The following MTERF3 variants were observed in gnomAD, a reference collection of about 807,000 sequenced individuals.
MTERF3 encodes the protein transcription termination factor 3, mitochondrial.
Under a neutral mutation model 40.5 loss-of-function variants are expected in MTERF3, and 40 were observed. The observed-to-expected ratio is 0.99, with a 90% CI of 0.77 to 1.29. The LOEUF is 1.29. MTERF3 is among the 50% of genes most tolerant of loss of function. MTERF3 has a pLI of 0.00. For synonymous variants in MTERF3, 158 were observed against 166.6 expected, an observed-to-expected ratio of 0.95 and a Z score of 0.40; for missense variants, 452 against 478.2, an observed-to-expected ratio of 0.95 and a Z score of 0.51.
Position 96,258,642 on chromosome 8 carries a change from A to G in MTERF3, c.49T>C (p.Leu17=), listed in dbSNP as rs1368992688. 1 of 1,613,916 alleles carries G rather than the reference A, an allele frequency of 6.2e-7. No individual in the cohort carries two copies. The highest frequency in any genetic ancestry group is 1.6e-4 in the Middle Eastern group (1 of 6,062). ...QIPRWFNSVK[L]RSLINAAQLT... ...TGTGCAGCATTAATGAGGCTCCTCA[A>G]CTTAACTGAGTTAAACCATCTGGGT... Residue 17 remains leucine, a synonymous_variant, in exon 2 of 8, where the codon TTG becomes CTG. Coordinates refer to ENST00000287025, the MANE Select transcript of MTERF3 (RefSeq NM_015942.5).
intron 7 of MTERF3, 65 bp downstream of exon 7, chr8:96,243,854 C>A: frequency 6.5e-7 from 1 of 1,540,068 alleles, no homozygotes; most frequent in Non-Finnish European, 8.9e-7. Flanking sequence ...AACTATGCAG[C>A]TGGAGAGCAG....
chr8:96,244,189 G>A, intron 6 of MTERF3, 109 bp from the exon 7 acceptor site: 1 of 858,148 alleles, frequency 1.2e-6, no homozygotes, highest in Non-Finnish European at 1.8e-6. Flanking sequence ...TCGCTATGTT[G>A]CCCAGGATGG....
At chr8:96,244,418 T>A (rs1259376319) in intron 6 of MTERF3, among the ~76,000 whole-genome samples, 1 of 151,396 alleles carries the variant, frequency 6.6e-6, no homozygotes. Flanking sequence ...TTTTTTTTTT[T>A]GAGACGGAGT....
At chr8:96,261,264 T>C (rs1025611434) in intron 1 of MTERF3, among the ~76,000 whole-genome samples, 14 of 152,210 alleles carry the variant, frequency 9.2e-5, no homozygotes, top group Non-Finnish European at 1.9e-4. Context: ...TCCCCAAACT[T>C]GCGCAGGAAG....
chr8:96,256,812 G>T, intron 3 of MTERF3, 150 bp downstream of exon 3: 1 of 534,772 alleles, frequency 1.9e-6, no homozygotes, highest in Non-Finnish European at 3.0e-6. Flanking sequence ...ATGAGGCAGG[G>T]AATACGGTTT....
Position 96,245,730 on chromosome 8 carries a change from T to G in MTERF3, c.897+130A>C, listed in dbSNP as rs1409960705. ...GACATTTGTTAAAGATAATTTCCTA[T>G]TTCTCTTTTTAGAAATAACTTATTT... On this transcript the variant is annotated intron_variant, in intron 6 of 7. Coordinates refer to ENST00000287025, the MANE Select transcript of MTERF3 (RefSeq NM_015942.5). 6 of 756,712 alleles carry G rather than the reference T, an allele frequency of 7.9e-6. No individual in the cohort carries two copies. The African/African-American group carries it at 8.9e-5, about 11-fold the overall frequency. The allele number at this position is 756,712 out of a possible 1,614,324, so 46.9% of individuals were successfully genotyped here. A position where few individuals can be genotyped will look rare whatever the true frequency, so the allele number is the denominator to read the frequency against.
chr8:96,256,018 G>A (rs557013390), intron 3 of MTERF3, among the ~76,000 whole-genome samples: 3 of 152,210 alleles, frequency 2.0e-5, no homozygotes, highest in South Asian at 2.1e-4. Flanking sequence ...GGAGAGACCC[G>A]ACCTCCCCCA....
intron 7 of MTERF3, among the ~76,000 whole-genome samples, chr8:96,241,218 T>C (rs1388843821): frequency 6.6e-6 from 1 of 152,096 alleles, no homozygotes; most frequent in Non-Finnish European, 1.5e-5. Flanking sequence ...GAGACCATCC[T>C]GGCCAACATG....
At chr8:96,246,477 G>A (rs764560318) in intron 4 of MTERF3, 23 bp from the exon 5 acceptor site, 23 of 1,573,674 alleles carry the variant, frequency 1.5e-5, no homozygotes, top group South Asian at 4.7e-5. Flanking sequence ...AAATACATAC[G>A]CATGTGATAA....
intron 3 of MTERF3, among the ~76,000 whole-genome samples, chr8:96,254,504 G>T (rs1810246982): frequency 6.6e-6 from 1 of 152,032 alleles, no homozygotes; most frequent in South Asian, 2.1e-4. Flanking sequence ...AGATCACGTA[G>T]CATTAGTCAT....
chr8:96,241,322 A>C (rs2129866172), intron 7 of MTERF3, among the ~76,000 whole-genome samples: 1 of 151,982 alleles, frequency 6.6e-6, no homozygotes, highest in East Asian at 1.9e-4. Flanking sequence ...AGTCAGAAGA[A>C]TCACTTGAAC....
In MTERF3 at chr8:96,258,512, G is replaced by A; in HGVS notation, c.179C>T (p.Thr60Ile). The A allele has an allele frequency of 1.2e-6, 2 of 1,614,154 alleles. No homozygotes were observed. Among genetic ancestry groups the A allele is most frequent in the Non-Finnish European group, 1.7e-6 (2 of 1,180,012 alleles). Residue 60 changes from threonine (T) to isoleucine (I), a missense_variant, in exon 2 of 8, where the codon ACT (threonine) becomes ATT (isoleucine). Thr to Ile is a moderately conservative substitution (Grantham distance 89, BLOSUM62 -1). Coordinates refer to ENST00000287025, the MANE Select transcript of MTERF3 (RefSeq NM_015942.5). ...DNCFLQWGFK[T>I]YRTSSLWNSS... ...ATTCCATAAGGAGGAAGTCCTGTAA[G>A]TCTTAAATCCCCACTGGAGAAAGCA...
chr8:96,247,430 T>C (rs1810042005), intron 4 of MTERF3, among the ~76,000 whole-genome samples: 1 of 152,180 alleles, frequency 6.6e-6, no homozygotes, highest in Non-Finnish European at 1.5e-5. Context: ...ATCTAAAACA[T>C]AGTAAAAGAT....
rs1230628503 is a variant in MTERF3, at chr8:96,259,916, T to TTATTA, written c.-10-1217_-10-1216insTAATA. On this transcript the variant is annotated intron_variant, in intron 1 of 7. Coordinates refer to ENST00000287025, the MANE Select transcript of MTERF3 (RefSeq NM_015942.5). ...ATTTATTATTATTATTATTATTATTTTTTTTGAGACGGAGTTTCGCCCTTG... is the reference window on the plus strand; with the variant it reads ...ATTTATTATTATTATTATTATTATTTTATTATTTTTGAGACGGAGTTTCGCCCTTG... 7.3e-5 allele frequency among the ~76,000 whole-genome samples: 11 copies of TTATTA among 150,130 alleles called. No homozygotes were observed. The East Asian group carries it at 1.8e-3, about 24-fold the overall frequency.
At chr8:96,257,152 A>C in intron 2 of MTERF3, 38 bp from the exon 3 acceptor site, 1 of 1,565,632 alleles carries the variant, frequency 6.4e-7, no homozygotes, top group South Asian at 1.2e-5. Flanking sequence ...TCTAATATGC[A>C]CACTTAAAAC....
chr8:96,240,416 A>C (rs141019354), intron 7 of MTERF3, among the ~76,000 whole-genome samples: 3,000 of 152,280 alleles, frequency 0.02, 50 homozygotes, highest in Middle Eastern at 0.037. Flanking sequence ...ATAAAAATGT[A>C]TAAGATTTCA....
At chr8:96,258,271 GA>G in intron 2 of MTERF3, 85 bp downstream of exon 2, 1 of 1,446,576 alleles carries the variant, frequency 6.9e-7, no homozygotes, top group Non-Finnish European at 9.1e-7. Flanking sequence ...AATATTACCT[GA>G]AATGGGCTAG....
At chr8:96,259,865 T>A (rs1193604088) in intron 1 of MTERF3, among the ~76,000 whole-genome samples, 1 of 152,072 alleles carries the variant, frequency 6.6e-6, no homozygotes, top group East Asian at 1.9e-4. Flanking sequence ...TTTACAAAAG[T>A]GAAAGTTTCC....
intron 3 of MTERF3, among the ~76,000 whole-genome samples, chr8:96,253,946 T>C (rs1810235818): frequency 6.6e-6 from 1 of 152,004 alleles, no homozygotes; most frequent in South Asian, 2.1e-4. Flanking sequence ...AGGTCAAGGC[T>C]GCAATGAGAC....
Sources: allele counts gnomAD v4.1 joint callset (sites outside exome capture counted in the v4.1 genomes callset), GRCh38; gene constraint gnomAD v4.1.1; transcripts MANE v1.5; gene names NCBI Gene and HGNC (gene_info 2026-07-23, HGNC 2026-07-21).